Variants in PDE4D observed in about 807,000 individuals in gnomAD.
The protein encoded by PDE4D is phosphodiesterase 4D, also known as 3',5'-cyclic-AMP phosphodiesterase 4D.
PDE4D carries 24 observed loss-of-function variants against 87.4 expected under a neutral mutation model. The ratio of observed to expected loss-of-function variants is 0.27; its 90% CI spans 0.20 to 0.39. The LOEUF (loss-of-function observed/expected upper bound fraction) is 0.39. PDE4D is among the 10% of genes least tolerant of loss of function. The probability of loss-of-function intolerance (pLI) is 1.00; values close to 1 mark genes in which losing one functional copy is unlikely to be tolerated. For missense variants in PDE4D, 714 were observed against 1,041.0 expected, an observed-to-expected ratio of 0.69 and a Z score of 4.32; for synonymous variants, 384 against 383.2, an observed-to-expected ratio of 1.00 and a Z score of -0.02.
chr5:60,349,113 A>G (rs1046220515), intron 1 of PDE4D, among the ~76,000 whole-genome samples: 2 of 152,310 alleles, frequency 1.3e-5, no homozygotes, highest in African/African-American at 4.8e-5. Flanking sequence ...TGAATGCATT[A>G]GGATAGAGCA....
intron 1 of PDE4D, among the ~76,000 whole-genome samples, chr5:60,389,466 T>C (rs1762424815): frequency 6.6e-6 from 1 of 152,232 alleles, no homozygotes. Context: ...TTCTCTTTCC[T>C]AGTCACCTAA....
intron 1 of PDE4D, among the ~76,000 whole-genome samples, chr5:60,512,878 A>G (rs1191596666): frequency 6.6e-6 from 1 of 152,184 alleles, no homozygotes; most frequent in Admixed American, 6.5e-5. Context: ...CTAAATAGAT[A>G]TTGACTGTCT....
At chr5:59,556,463 T>C (rs1438591986) in intron 1 of PDE4D, among the ~76,000 whole-genome samples, 1 of 152,164 alleles carries the variant, frequency 6.6e-6, no homozygotes, top group Non-Finnish European at 1.5e-5. Flanking sequence ...GTCACATTCT[T>C]ACCTTGGGAA....
intron 1 of PDE4D, among the ~76,000 whole-genome samples, chr5:59,218,758 G>A (rs959301272): frequency 6.6e-6 from 1 of 151,972 alleles, no homozygotes; most frequent in Non-Finnish European, 1.5e-5. Flanking sequence ...TGTATACTAA[G>A]TAATTATCAA....
At chr5:60,415,327 C>G (rs373862431) in intron 1 of PDE4D, among the ~76,000 whole-genome samples, 18 of 152,394 alleles carry the variant, frequency 1.2e-4, no homozygotes, top group African/African-American at 4.3e-4. Context: ...CTCTCAGCGC[C>G]TCCTTGGCCT....
At chr5:59,172,491 T>A (rs1783171111) in intron 5 of PDE4D, among the ~76,000 whole-genome samples, 3 of 148,754 alleles carry the variant, frequency 2.0e-5, no homozygotes. Flanking sequence ...GCCTAGGAGT[T>A]CCAGATCAGC....
intron 1 of PDE4D, among the ~76,000 whole-genome samples, chr5:60,462,274 A>G (rs1747006631): frequency 6.6e-6 from 1 of 151,944 alleles, no homozygotes; most frequent in Non-Finnish European, 1.5e-5. Flanking sequence ...AAGCAGATCA[A>G]CTCACAGGTG....
intron 2 of PDE4D, among the ~76,000 whole-genome samples, chr5:60,036,071 T>C (rs1767763576): frequency 6.6e-6 from 1 of 152,242 alleles, no homozygotes; most frequent in Non-Finnish European, 1.5e-5. Flanking sequence ...GGAAATATTA[T>C]AGTTATCATC....
At chr5:59,251,847 T>C (rs947054096) in intron 1 of PDE4D, among the ~76,000 whole-genome samples, 1 of 152,086 alleles carries the variant, frequency 6.6e-6, no homozygotes, top group African/African-American at 2.4e-5. Context: ...CATGCAGCCA[T>C]AAAAAAGAAT....
chr5:60,407,710 C>G (rs896414059), intron 1 of PDE4D, among the ~76,000 whole-genome samples: 1 of 151,940 alleles, frequency 6.6e-6, no homozygotes, highest in African/African-American at 2.4e-5. Context: ...ACCTCAGCCT[C>G]CCAAAGTGCT....
At chr5:59,205,898 A>G (rs1748685874) in intron 2 of PDE4D, among the ~76,000 whole-genome samples, 1 of 152,200 alleles carries the variant, frequency 6.6e-6, no homozygotes, top group African/African-American at 2.4e-5. Context: ...AGACAACATC[A>G]TTTACTGAAC....
chr5:60,483,246 A>T (rs4090603), intron 1 of PDE4D, among the ~76,000 whole-genome samples: 21,041 of 152,112 alleles, frequency 0.14, 2,848 homozygotes, highest in African/African-American at 0.34. Flanking sequence ...CAACTGCAGC[A>T]TGGAACTGAC....
intron 1 of PDE4D, among the ~76,000 whole-genome samples, chr5:59,770,842 A>T (rs1395756118): frequency 6.6e-6 from 1 of 152,178 alleles, no homozygotes; most frequent in African/African-American, 2.4e-5. Context: ...ATATTTAAAG[A>T]TTAGCTTGGC....
At chr5:59,821,683 T>C (rs1769698276) in intron 1 of PDE4D, among the ~76,000 whole-genome samples, 1 of 152,220 alleles carries the variant, frequency 6.6e-6, no homozygotes, top group Non-Finnish European at 1.5e-5. Flanking sequence ...TTTAACTTCA[T>C]CATTTCTATC....
At chr5:60,320,435 G>T (rs996832249) in intron 1 of PDE4D, among the ~76,000 whole-genome samples, 4 of 152,190 alleles carry the variant, frequency 2.6e-5, no homozygotes, top group Non-Finnish European at 5.9e-5. Flanking sequence ...CTTCCTGGGT[G>T]AGGTGATGCC....
At chr5:60,222,250 T>C (rs1181116769) in intron 1 of PDE4D, among the ~76,000 whole-genome samples, 1 of 152,070 alleles carries the variant, frequency 6.6e-6, no homozygotes, top group African/African-American at 2.4e-5. Flanking sequence ...CTGAGGTCTC[T>C]GGCCAACTGT....
chr5:59,564,135 T>C (rs1820511123), intron 1 of PDE4D, among the ~76,000 whole-genome samples: 1 of 152,198 alleles, frequency 6.6e-6, no homozygotes, highest in Admixed American at 6.5e-5. Flanking sequence ...TTTTCCTATC[T>C]GCAGGGATAG....
intron 1 of PDE4D, among the ~76,000 whole-genome samples, chr5:60,503,316 T>G (rs891344004): frequency 6.6e-6 from 1 of 152,172 alleles, no homozygotes; most frequent in African/African-American, 2.4e-5. Context: ...CTATAGGATA[T>G]TCTACTCACT....
At chr5:59,186,778 T>C (rs1743014246) in intron 3 of PDE4D, among the ~76,000 whole-genome samples, 1 of 151,976 alleles carries the variant, frequency 6.6e-6, no homozygotes, top group Non-Finnish European at 1.5e-5. Flanking sequence ...ACCTGGCTCA[T>C]TATCTCATAT....
Sources: allele counts gnomAD v4.1 joint callset (sites outside exome capture counted in the v4.1 genomes callset), GRCh38; gene constraint gnomAD v4.1.1; transcripts MANE v1.5; gene names NCBI Gene and HGNC (gene_info 2026-07-23, HGNC 2026-07-21).